The following GDPD5 variants were observed in gnomAD, a reference collection of about 807,000 sequenced individuals.
GDPD5 encodes glycerophosphodiester phosphodiesterase 2.
Under a neutral mutation model 75.1 loss-of-function variants are expected in GDPD5, and 48 were observed. The ratio of observed to expected loss-of-function variants is 0.64; its 90% confidence interval spans 0.51 to 0.81. The LOEUF is 0.81. Among genes scored for constraint, GDPD5 ranks in the 40% least tolerant of loss-of-function variants. The probability of loss-of-function intolerance (pLI) is 0.00; values close to 1 mark genes in which losing one functional copy is unlikely to be tolerated. For synonymous variants in GDPD5, 336 were observed against 339.0 expected, an observed-to-expected ratio of 0.99 and a Z score of 0.10; for missense variants, 706 against 822.6, an observed-to-expected ratio of 0.86 and a Z score of 1.73.
chr11:75,485,552 C>CACACACACACAT (rs61294681), intron 2 of GDPD5: 1 of 147,902 alleles, frequency 6.8e-6, no homozygotes, highest in African/African-American at 2.5e-5. Context: ...CACACACACA[C>CACACACACACAT]GTGTGCACCC....
intron 1 of GDPD5, among the ~76,000 whole-genome samples, chr11:75,498,353 G>T (rs1540210): frequency 0.71 from 107,388 of 152,082 alleles, 38,245 homozygotes; most frequent in East Asian, 0.96. Context: ...CCTGAGCACC[G>T]TCTATGGAAA....
At chr11:75,458,697 TA>T (rs368941222) in intron 4 of GDPD5, among the ~76,000 whole-genome samples, 4 of 58,140 alleles carry the variant, frequency 6.9e-5, no homozygotes, top group Non-Finnish European at 1.0e-4. Context: ...AATAAATAAA[TA>T]AAATAAATAA....
intron 7 of GDPD5, 129 bp downstream of exon 7, chr11:75,449,756 T>C (rs1949089173): frequency 1.6e-6 from 2 of 1,243,422 alleles, no homozygotes; most frequent in African/African-American, 1.5e-5. Context: ...GACCCTGGTG[T>C]CCTCCCTAGT....
At chr11:75,442,243 G>T in intron 12 of GDPD5, 120 bp downstream of exon 12, 1 of 725,932 alleles carries the variant, frequency 1.4e-6, no homozygotes, top group African/African-American at 1.8e-5. Context: ...AGCAGTGTGT[G>T]ATCCCCATTT....
chr11:75,498,249 C>CA (rs1470572782), intron 1 of GDPD5, among the ~76,000 whole-genome samples: 1 of 152,214 alleles, frequency 6.6e-6, no homozygotes, highest in Non-Finnish European at 1.5e-5. Flanking sequence ...GTCACATAGT[C>CA]AGAGTCTTAG....
intron 1 of GDPD5, among the ~76,000 whole-genome samples, chr11:75,513,292 C>T (rs1400512262): frequency 2.6e-5 from 4 of 152,176 alleles, no homozygotes; most frequent in African/African-American, 7.2e-5. Flanking sequence ...CCAGCAGTTA[C>T]AGATGTTCTC....
At chr11:75,491,018 G>A (rs653673) in intron 1 of GDPD5, among the ~76,000 whole-genome samples, 89,558 of 152,054 alleles carry the variant, frequency 0.59, 27,343 homozygotes, top group East Asian at 0.79. Flanking sequence ...CTGCAAGGAC[G>A]GAGGCCTACC....
intron 3 of GDPD5, 107 bp downstream of exon 3, chr11:75,477,512 G>A (rs1949803386): frequency 1.8e-6 from 1 of 564,136 alleles, no homozygotes; most frequent in African/African-American, 1.9e-5. Context: ...AAGGCCATTG[G>A]CCTGTCCAGA....
At chr11:75,455,470 C>A in intron 6 of GDPD5, 1 of 425,698 alleles carries the variant, frequency 2.3e-6, no homozygotes, top group African/African-American at 2.0e-5. Context: ...GCCCATGTAA[C>A]AAACCGGCCT....
intron 1 of GDPD5, among the ~76,000 whole-genome samples, chr11:75,505,895 C>T (rs1455619067): frequency 1.3e-5 from 2 of 152,182 alleles, no homozygotes; most frequent in African/African-American, 4.8e-5. Flanking sequence ...AGACAAAATC[C>T]TCCATGCCTA....
At chr11:75,462,953 C>A in intron 3 of GDPD5, 64 bp from the exon 4 acceptor site, 1 of 1,311,748 alleles carries the variant, frequency 7.6e-7, no homozygotes, top group Non-Finnish European at 1.1e-6. Context: ...CTGCCTCCCA[C>A]CAGAATGTGT....
chr11:75,470,862 T>A (rs1427967918), intron 3 of GDPD5, among the ~76,000 whole-genome samples: 2 of 152,258 alleles, frequency 1.3e-5, no homozygotes, highest in Non-Finnish European at 2.9e-5. Flanking sequence ...AGTTCTCAGA[T>A]GCCTGTGGTT....
intron 3 of GDPD5, among the ~76,000 whole-genome samples, chr11:75,471,675 C>T (rs996834766): frequency 2.0e-5 from 3 of 152,084 alleles, no homozygotes. Flanking sequence ...ATCTCCTGCC[C>T]CACCCTTGCT....
At chr11:75,503,372 C>T (rs571770412) in intron 1 of GDPD5, among the ~76,000 whole-genome samples, 53 of 152,262 alleles carry the variant, frequency 3.5e-4, no homozygotes, top group Admixed American at 5.9e-4. Flanking sequence ...TGTTACGTGA[C>T]AACAGTAACT....
At chr11:75,498,691 G>C (rs1273815207) in intron 1 of GDPD5, among the ~76,000 whole-genome samples, 1 of 152,184 alleles carries the variant, frequency 6.6e-6, no homozygotes, top group African/African-American at 2.4e-5. Context: ...GACAGAGAAA[G>C]ACCTGGGGCT....
At position 75,457,784 on chromosome 11, in the gene GDPD5, T is replaced by C; in HGVS notation, c.224A>G (p.Tyr75Cys). ...CCAGTAGCCCATGCGGTTGTAGAGG[T>C]ACCTGCCAGGAGGAGAGGGGGCAGG... ...VHNDYDEFNWYLYNRMGYWSD... is the reference protein window; with the variant it reads ...VHNDYDEFNWCLYNRMGYWSD... The change falls in exon 5 of 17, where the codon TAC becomes TGC. Residue 75 changes from tyrosine (Y) to cysteine (C), a missense_variant and splice_region_variant. By Grantham distance (194) the Tyr-to-Cys change is radical. Coordinates refer to ENST00000336898, the MANE Select transcript of GDPD5 (RefSeq NM_030792.8). 6.2e-7 allele frequency: 1 copy of C among 1,613,540 alleles called. No individual in the cohort carries two copies.
At chr11:75,496,779 C>CTTTCA (rs58663409) in intron 1 of GDPD5, among the ~76,000 whole-genome samples, 1 of 103,112 alleles carries the variant, frequency 9.7e-6, no homozygotes, top group Non-Finnish European at 1.8e-5. Context: ...TTCTTTCTTT[C>CTTTCA]TTTTTTTTTT....
At chr11:75,439,324 AC>A in intron 15 of GDPD5, 1 of 456,142 alleles carries the variant, frequency 2.2e-6, no homozygotes, top group Non-Finnish European at 4.4e-6. Flanking sequence ...GAGGAGGAAG[AC>A]CACACCAGAA....
At chr11:75,439,126 G>T (rs764550060) in intron 15 of GDPD5, among the ~76,000 whole-genome samples, 1 of 152,190 alleles carries the variant, frequency 6.6e-6, no homozygotes, top group Non-Finnish European at 1.5e-5. Flanking sequence ...AAACGGCCGT[G>T]GGAACAGGGA....
Sources: gnomAD v4.1 joint callset for allele counts (sites outside exome capture counted in the v4.1 genomes callset) on GRCh38, gnomAD v4.1.1 for gene constraint, MANE v1.5 for transcripts, NCBI Gene and HGNC (gene_info 2026-07-23, HGNC 2026-07-21) for gene names.